NXPH3: variants seen among roughly 807,000 people sequenced by gnomAD.
The protein encoded by NXPH3 is neurexophilin-3.
In NXPH3, 7 loss-of-function variants were observed where a neutral mutation model predicts 18.8. That is an observed-to-expected ratio of 0.37 (90% CI 0.21 to 0.70). The LOEUF is 0.70. Ranked by LOEUF, NXPH3 falls within the 30% of genes least tolerant of loss-of-function variation. The probability of loss-of-function intolerance (pLI) is 0.53; values close to 1 mark genes in which losing one functional copy is unlikely to be tolerated. For synonymous variants in NXPH3, 101 were observed against 137.3 expected (o/e 0.74, Z 1.85); for missense variants, 282 against 338.1 (o/e 0.83, Z 1.30).
intron 1 of NXPH3, among the ~76,000 whole-genome samples, chr17:49,576,792 C>G (rs1033814963): frequency 2.0e-5 from 3 of 151,050 alleles, no homozygotes; most frequent in East Asian, 2.0e-4. Flanking sequence ...TCTGCTCTCC[C>G]GGCTGCGCGC....
rs1246301912 is a variant in NXPH3 at position 49,582,522 on chromosome 17, C to G, written c.*3222C>G. 1 of 152,358 alleles carries G rather than the reference C, an allele frequency of 6.6e-6. No individual in the cohort carries two copies. Among genetic ancestry groups the G allele is most frequent in the East Asian group, 1.9e-4 (1 of 5,190 alleles). The allele number at this position is 152,358 out of a possible 1,614,324, so 9.4% of individuals were successfully genotyped here. A position where few individuals can be genotyped will look rare whatever the true frequency, so the allele number is the denominator to read the frequency against. The stretch of plus-strand genomic sequence containing the variant: ...AAGGACACAGCTTGGATCTCCCCAT[C>G]AGGCTGGGGAACACCTAGGGCCGGG... On this transcript the variant is annotated 3_prime_UTR_variant, in exon 2 of 2. Transcript: ENST00000328741.
intron 1 of NXPH3, among the ~76,000 whole-genome samples, chr17:49,576,575 A>G (rs2071572306): frequency 6.6e-6 from 1 of 151,882 alleles, no homozygotes; most frequent in African/African-American, 2.4e-5. Context: ...CCCTTCCCAG[A>G]GCCTCAGGAC....
rs761400281 is a variant in NXPH3, at chr17:49,581,775, C to T, written c.*2475C>T. 2.8e-6 allele frequency: 2 copies of T among 702,002 alleles called. No homozygotes were observed. Among genetic ancestry groups the T allele is most frequent in the South Asian group, 1.5e-5 (1 of 67,560 alleles). 43.5% of individuals were successfully genotyped at this position (702,002 alleles called of 1,614,324 possible). On this transcript the variant is annotated 3_prime_UTR_variant, in exon 2 of 2. Coordinates refer to ENST00000328741, the MANE Select transcript of NXPH3 (RefSeq NM_007225.4). ...AGGCCCTGGGCGCCCTCCCCACCTC[C>T]CCTGGCTGAACTCTCAGCAGGCACT...
rs188431067 is a variant in NXPH3 at position 49,583,107 on chromosome 17, C to T, written c.*3807C>T. 2 of 152,376 alleles carry T rather than the reference C, an allele frequency of 1.3e-5. No individual in the cohort carries two copies. The allele number at this position is 152,376 out of a possible 1,614,324, so 9.4% of individuals were successfully genotyped here. A position where few individuals can be genotyped will look rare whatever the true frequency, so the allele number is the denominator to read the frequency against. Reference sequence around the variant, plus strand: ...GATCCTGGGGGAGTGTTTATGGGGACGGAGGCAGCTGAAGGGCAGGGAGGG... The same window carrying T: ...GATCCTGGGGGAGTGTTTATGGGGATGGAGGCAGCTGAAGGGCAGGGAGGG... On this transcript the variant is annotated 3_prime_UTR_variant, in exon 2 of 2. Coordinates refer to ENST00000328741, the MANE Select transcript of NXPH3 (RefSeq NM_007225.4).
In NXPH3 at chr17:49,580,245, T is replaced by G. The variant is rs1319579423; in HGVS notation, c.*945T>G. The G allele has an allele frequency of 1.7e-5, 2 of 118,888 alleles. No individual in the cohort carries two copies. Among genetic ancestry groups the G allele is most frequent in the East Asian group, 3.0e-4 (1 of 3,354 alleles). The allele number at this position is 118,888 out of a possible 1,614,324, so 7.4% of individuals were successfully genotyped here. A position where few individuals can be genotyped will look rare whatever the true frequency, so the allele number is the denominator to read the frequency against. On this transcript the variant is annotated 3_prime_UTR_variant, in exon 2 of 2. Coordinates refer to ENST00000328741, the MANE Select transcript of NXPH3 (RefSeq NM_007225.4). The stretch of plus-strand genomic sequence containing the variant: ...CAGAGCATGTGCTGGATCTGTTCTG[T>G]GTGTCTGTCTGTGGGTGGGGGGAGG...
At position 49,579,192 on chromosome 17, in the gene NXPH3, A is replaced by G. The variant is rs1567759478; in HGVS notation, c.651A>G (p.Lys217=). The G allele has an allele frequency of 2.5e-6, 4 of 1,611,866 alleles. No homozygotes were observed. The highest frequency in any genetic ancestry group is 1.7e-6 in the Non-Finnish European group (2 of 1,180,020). ...SATWSCSQPF[K]VVCVYIAFYS... ...CCTGGAGCTGCTCCCAGCCCTTCAA[A>G]GTCGTCTGTGTCTACATCGCCTTCT... The change falls in exon 2 of 2, where the codon AAA becomes AAG. Residue 217 remains lysine, a synonymous_variant. Transcript: ENST00000328741. This position sits in a 1 kb window ranked among gnomAD's most constrained non-coding sequence, Gnocchi z 6.0.
At position 49,576,233 on chromosome 17, in the gene NXPH3, G is replaced by T; in HGVS notation, c.14G>T (p.Arg5Leu). 1 of 1,568,776 alleles carries T rather than the reference G, an allele frequency of 6.4e-7. No individual in the cohort carries two copies. Among genetic ancestry groups the T allele is most frequent in the Non-Finnish European group, 8.6e-7 (1 of 1,157,006 alleles). ...CGGAGGAGGAAGATGCAACTGACTC[G>T]CTGCTGCTTCGTGTTCCTGGTGCAG... MQLT[R>L]CCFVFLVQGS... is the part of the protein sequence containing the mutation. Residue 5 changes from arginine to leucine, a missense_variant, in exon 1 of 2, where the codon CGC (arginine) becomes CTC (leucine). Physicochemically the swap from Arg to Leu is moderately radical, Grantham distance 102. Transcript: ENST00000328741.
chr17:49,581,557 C>T lies in NXPH3; in HGVS notation c.*2257C>T, dbSNP rs1401438189. On this transcript the variant is annotated 3_prime_UTR_variant, in exon 2 of 2. Transcript: ENST00000328741. ...CCCAGCTTGTTTCCCCCACATCATG[C>T]TTCCAGGGGCCGTCTCTCCTGAGTG... 1.5e-5 allele frequency: 10 copies of T among 678,508 alleles called. No homozygotes were observed. 42.0% of individuals were successfully genotyped at this position (678,508 alleles called of 1,614,324 possible). A position where few individuals can be genotyped will look rare whatever the true frequency, so the allele number is the denominator to read the frequency against.
Position 49,582,517 on chromosome 17 carries a change from C to T in NXPH3, c.*3217C>T, listed in dbSNP as rs2071605954. 6.6e-6 allele frequency: 1 copy of T among 152,310 alleles called. No individual in the cohort carries two copies. The highest frequency in any genetic ancestry group is 1.5e-5 in the Non-Finnish European group (1 of 68,128). 9.4% of individuals were successfully genotyped at this position (152,310 alleles called of 1,614,324 possible). A position where few individuals can be genotyped will look rare whatever the true frequency, so the allele number is the denominator to read the frequency against. On this transcript the variant is annotated 3_prime_UTR_variant, in exon 2 of 2. Transcript: ENST00000328741. ...TCTTTAAGGACACAGCTTGGATCTC[C>T]CCATCAGGCTGGGGAACACCTAGGG... is the stretch of plus-strand genomic sequence containing the variant.
chr17:49,576,985 T>G (rs1179757073), intron 1 of NXPH3, among the ~76,000 whole-genome samples: 2 of 151,854 alleles, frequency 1.3e-5, no homozygotes, highest in East Asian at 3.9e-4. Flanking sequence ...GAGCGCCCGC[T>G]GACCCTCCCC....
In NXPH3 at chr17:49,576,078, TG is replaced by T; in HGVS notation, c.-139del. On this transcript the variant is annotated 5_prime_UTR_variant, in exon 1 of 2. Coordinates refer to ENST00000328741, the MANE Select transcript of NXPH3 (RefSeq NM_007225.4). ...GGACCGAAGGGGGCGGGGTCGGCCC[TG>T]GGCGACCCGCTGAGGGGAGGGCCGC... The T allele has an allele frequency of 2.0e-6, 2 of 978,258 alleles. No homozygotes were observed. Among genetic ancestry groups the T allele is most frequent in the Non-Finnish European group, 3.1e-6 (2 of 652,476 alleles). The allele number at this position is 978,258 out of a possible 1,614,324, so 60.6% of individuals were successfully genotyped here.
chr17:49,579,151 G>T lies in NXPH3; in HGVS notation c.610G>T (p.Ala204Ser), dbSNP rs776706477. 5 of 1,613,442 alleles carry T rather than the reference G, an allele frequency of 3.1e-6. No homozygotes were observed. In the South Asian group the frequency reaches 4.4e-5, roughly 14 times the overall value. The change falls in exon 2 of 2, where the codon GCT becomes TCT. Residue 204 changes from alanine to serine, a missense_variant. By Grantham distance (99) the Ala-to-Ser change is moderately conservative (BLOSUM62 1). Coordinates refer to ENST00000328741, the MANE Select transcript of NXPH3 (RefSeq NM_007225.4). This position sits in a 1 kb window ranked among gnomAD's most constrained non-coding sequence, Gnocchi z 6.0. ...DPAKICSRDH[A>S]QSSATWSCSQ... ...AGCCAAGATCTGCTCCCGAGACCAC[G>T]CTCAGAGCTCAGCCACCTGGAGCTG...
In NXPH3 at chr17:49,580,368, G is replaced by C. The variant is rs2071594237; in HGVS notation, c.*1068G>C. 1 of 152,294 alleles carries C rather than the reference G, an allele frequency of 6.6e-6. No individual in the cohort carries two copies. The highest frequency in any genetic ancestry group is 2.1e-4 in the South Asian group (1 of 4,836). The allele number at this position is 152,294 out of a possible 1,614,324, so 9.4% of individuals were successfully genotyped here. A position where few individuals can be genotyped will look rare whatever the true frequency, so the allele number is the denominator to read the frequency against. On this transcript the variant is annotated 3_prime_UTR_variant, in exon 2 of 2. Transcript: ENST00000328741. The stretch of plus-strand genomic sequence containing the variant: ...AGCTTGCCCCGGGGCACTGGAGTCA[G>C]AGTTGTCCAAGGAAAGGGCCTCAGG...
rs1175661049 is a variant in NXPH3, at chr17:49,582,578, C to A, written c.*3278C>A. On this transcript the variant is annotated 3_prime_UTR_variant, in exon 2 of 2. Transcript: ENST00000328741. ...TGCCTCCCTCATCAGACTGAGGACA[C>A]CCTGATGTCAGGGGCTGGATGGCCC... is the stretch of plus-strand genomic sequence containing the variant. 2 of 152,308 alleles carry A rather than the reference C, an allele frequency of 1.3e-5. No individual in the cohort carries two copies. The highest frequency in any genetic ancestry group is 4.8e-5 in the African/African-American group (2 of 41,456). 9.4% of individuals were successfully genotyped at this position (152,308 alleles called of 1,614,324 possible).
rs916131695 is a variant in NXPH3 at position 49,578,936 on chromosome 17, T to G, written c.395T>G (p.Val132Gly). Reference sequence around the variant, plus strand: ...GACCATGGCAATGGGACCTTCAGCGTCCACTTCCAACACAATGCCACAGGC... The same window carrying G: ...GACCATGGCAATGGGACCTTCAGCGGCCACTTCCAACACAATGCCACAGGC... ...IVDHGNGTFS[V>G]HFQHNATGQG... Residue 132 changes from valine (V) to glycine (G), a missense_variant, in exon 2 of 2, where the codon GTC (valine) becomes GGC (glycine). Coordinates refer to ENST00000328741, the MANE Select transcript of NXPH3 (RefSeq NM_007225.4). The surrounding 1 kb of genome is among the most constrained non-coding windows in gnomAD (Gnocchi z 4.5). The G allele has an allele frequency of 6.2e-7, 1 of 1,614,006 alleles. No individual in the cohort carries two copies. Among genetic ancestry groups the G allele is most frequent in the African/African-American group, 1.3e-5 (1 of 74,890 alleles).
rs762655126 is a variant in NXPH3 at position 49,581,463 on chromosome 17, T to A, written c.*2163T>A. ...CAGCGCTCCGCGCAAACTGGTCCCC[T>A]CATACTGCAGCGCAGAGTTGGGTGG... On this transcript the variant is annotated 3_prime_UTR_variant, in exon 2 of 2. Coordinates refer to ENST00000328741, the MANE Select transcript of NXPH3 (RefSeq NM_007225.4). The A allele has an allele frequency of 2.9e-4, 178 of 613,048 alleles. No individual in the cohort carries two copies. Among genetic ancestry groups the A allele is most frequent in the Non-Finnish European group, 4.6e-4 (156 of 341,320 alleles). The allele number at this position is 613,048 out of a possible 1,614,324, so 38.0% of individuals were successfully genotyped here.
chr17:49,579,222 C>T lies in NXPH3; in HGVS notation c.681C>T (p.Ser227=), dbSNP rs2071587538. The change falls in exon 2 of 2, where the codon AGC becomes AGT. Residue 227 remains serine (S), a synonymous_variant. Coordinates refer to ENST00000328741, the MANE Select transcript of NXPH3 (RefSeq NM_007225.4). This position sits in a 1 kb window ranked among gnomAD's most constrained non-coding sequence, Gnocchi z 6.0. ...TCTGTGTCTACATCGCCTTCTACAG[C>T]ACGGACTATCGGCTGGTCCAGAAGG... ...KVVCVYIAFY[S]TDYRLVQKVC... 1.0e-5 allele frequency: 16 copies of T among 1,606,920 alleles called. No homozygotes were observed. The East Asian group carries it at 3.1e-4, about 31-fold the overall frequency.
At position 49,582,922 on chromosome 17, in the gene NXPH3, C is replaced by T. The variant is rs2071607878; in HGVS notation, c.*3622C>T. The T allele has an allele frequency of 6.6e-6, 1 of 152,294 alleles. No homozygotes were observed. Among genetic ancestry groups the T allele is most frequent in the African/African-American group, 2.4e-5 (1 of 41,436 alleles). The allele number at this position is 152,294 out of a possible 1,614,324, so 9.4% of individuals were successfully genotyped here. On this transcript the variant is annotated 3_prime_UTR_variant, in exon 2 of 2. Transcript: ENST00000328741. ...GGCAAAAGCAAATGAATATCTAGGT[C>T]CCTTCCCCCCCTTCCCCCCTTCCCT...
In NXPH3 at chr17:49,582,101, T is replaced by C; in HGVS notation, c.*2801T>C. The C allele has an allele frequency of 1.8e-6, 1 of 543,670 alleles. No individual in the cohort carries two copies. The allele number at this position is 543,670 out of a possible 1,614,324, so 33.7% of individuals were successfully genotyped here. On this transcript the variant is annotated 3_prime_UTR_variant, in exon 2 of 2. Coordinates refer to ENST00000328741, the MANE Select transcript of NXPH3 (RefSeq NM_007225.4). ...GCCAGATACTTCTGTGCCCGCTTGGTCCTCACAAGGGCAAGGGGTCCATCC... is the reference window on the plus strand; with the variant it reads ...GCCAGATACTTCTGTGCCCGCTTGGCCCTCACAAGGGCAAGGGGTCCATCC...
Sources: gnomAD v4.1 joint callset for allele counts (sites outside exome capture counted in the v4.1 genomes callset) on GRCh38, gnomAD v4.1.1 for gene constraint, Gnocchi (gnomAD v3.1) non-coding constraint, MANE v1.5 for transcripts, NCBI Gene and HGNC (gene_info 2026-07-23, HGNC 2026-07-21) for gene names.